The following PCDHGA3 variants were observed in gnomAD, a reference collection of about 807,000 sequenced individuals.
PCDHGA3 encodes protocadherin gamma-A3.
Under a neutral mutation model 58.5 loss-of-function variants are expected in PCDHGA3, and 40 were observed. The observed-to-expected ratio is 0.68, with a 90% confidence interval of 0.53 to 0.89. The LOEUF (loss-of-function observed/expected upper bound fraction) is 0.89, where lower values mean the gene tolerates loss of function less well. Ranked by LOEUF, PCDHGA3 falls within the 40% of genes least tolerant of loss-of-function variation. The pLI is 0.00. For missense variants in PCDHGA3, 1,223 were observed against 1,195.9 expected (o/e 1.02, Z -0.33); for synonymous variants, 530 against 525.7 (o/e 1.01, Z -0.11).
At chr5:141,467,208 A>G (rs1272958649) in intron 1 of PCDHGA3, among the ~76,000 whole-genome samples, 1 of 152,064 alleles carries the variant, frequency 6.6e-6, no homozygotes, top group East Asian at 1.9e-4. Flanking sequence ...ACATGCCACC[A>G]TGCCTGGCTA....
intron 1 of PCDHGA3, among the ~76,000 whole-genome samples, chr5:141,462,023 A>T (rs927945421): frequency 1.3e-5 from 2 of 152,112 alleles, no homozygotes; most frequent in African/African-American, 4.8e-5. Flanking sequence ...GGGTTTCTTC[A>T]TGTTGGTCAG....
chr5:141,392,758 A>G (rs1589161304), intron 1 of PCDHGA3: 2 of 1,472,462 alleles, frequency 1.4e-6, no homozygotes, highest in Non-Finnish European at 1.8e-6. Context: ...AAGAAACTAA[A>G]TAAGACCCAT....
chr5:141,428,115 G>A (rs753384738), intron 1 of PCDHGA3: 2 of 1,607,178 alleles, frequency 1.2e-6, no homozygotes, highest in Non-Finnish European at 8.5e-7. Flanking sequence ...GCAGGCCATC[G>A]AGCCCGGGCT....
intron 1 of PCDHGA3, chr5:141,475,902 C>A (rs1296545944): frequency 1.7e-6 from 1 of 576,594 alleles, no homozygotes; most frequent in Non-Finnish European, 3.0e-6. Context: ...GTGCCGCTGT[C>A]GGCCAATGAA....
chr5:141,374,244 T>C, intron 1 of PCDHGA3: 3 of 1,613,992 alleles, frequency 1.9e-6, no homozygotes, highest in Non-Finnish European at 2.5e-6. Context: ...GATCTGGGAC[T>C]GGAGCCCCAG....
In PCDHGA3 at chr5:141,501,176, T is replaced by C. The variant is rs917315609; in HGVS notation, c.2484-4217T>C. ...GCCACCATCCCCAGCCTCATTTACA[T>C]TTTAACACAATTAAATTCAGGGTGT... On this transcript the variant is annotated intron_variant, in intron 2 of 3. Coordinates refer to ENST00000253812, the MANE Select transcript of PCDHGA3 (RefSeq NM_018916.4). Among the ~76,000 whole-genome samples, 16 of 152,244 alleles carry C rather than the reference T, an allele frequency of 1.1e-4. No homozygotes were observed. In the South Asian group the frequency reaches 3.3e-3, roughly 32 times the overall value.
chr5:141,476,929 G>T lies in PCDHGA3; in HGVS notation c.2425-17878G>T, dbSNP rs1375082202. 6.2e-7 allele frequency: 1 copy of T among 1,614,136 alleles called. No homozygotes were observed. Among genetic ancestry groups the T allele is most frequent in the Admixed American group, 1.7e-5 (1 of 60,034 alleles). On this transcript the variant is annotated intron_variant, in intron 1 of 3. Transcript: ENST00000253812. This position sits in a 1 kb window ranked among gnomAD's most constrained non-coding sequence, Gnocchi z 7.6. ...TGGTACAAGTCCTTGCAACGGATCT[G>T]GATGAAGGCCCCAACGGTGAAATTA...
At chr5:141,389,828 A>C in intron 1 of PCDHGA3, 1 of 1,613,938 alleles carries the variant, frequency 6.2e-7, no homozygotes, top group Non-Finnish European at 8.5e-7. Flanking sequence ...GTGACGGTGG[A>C]CAGCCACCAC....
At chr5:141,413,331 C>T (rs1300057166) in intron 1 of PCDHGA3, 1 of 1,613,992 alleles carries the variant, frequency 6.2e-7, no homozygotes, top group Admixed American at 1.7e-5. Context: ...TGGGCAACAT[C>T]TCCAAGGACT....
intron 1 of PCDHGA3, among the ~76,000 whole-genome samples, chr5:141,434,881 A>C (rs1221252749): frequency 6.6e-6 from 1 of 151,958 alleles, no homozygotes; most frequent in Non-Finnish European, 1.5e-5. Context: ...AGATACCAAC[A>C]ACAATCCAGT....
intron 1 of PCDHGA3, among the ~76,000 whole-genome samples, chr5:141,467,288 A>G (rs1322298174): frequency 6.6e-6 from 1 of 152,084 alleles, no homozygotes; most frequent in Non-Finnish European, 1.5e-5. Context: ...CTTGACCTCA[A>G]GTGATCCACT....
chr5:141,392,615 C>A (rs2092564205), intron 1 of PCDHGA3: 1 of 536,798 alleles, frequency 1.9e-6, no homozygotes, highest in Non-Finnish European at 3.2e-6. Context: ...CAAATGCAAC[C>A]GAAAACACTC....
rs1426305491 is a variant in PCDHGA3 at position 141,489,758 on chromosome 5, G to A, written c.2425-5049G>A. 1 of 1,614,084 alleles carries A rather than the reference G, an allele frequency of 6.2e-7. No homozygotes were observed. The highest frequency in any genetic ancestry group is 1.7e-5 in the Admixed American group (1 of 60,020). On this transcript the variant is annotated intron_variant, in intron 1 of 3. Coordinates refer to ENST00000253812, the MANE Select transcript of PCDHGA3 (RefSeq NM_018916.4). The surrounding 1 kb of genome is among the most constrained non-coding windows in gnomAD (Gnocchi z 4.5). ...AATACTGTGAGCTTTTACACTCTAAGCCCCAACAGCCACTTCTCTCTGAAT... is the reference window on the plus strand; with the variant it reads ...AATACTGTGAGCTTTTACACTCTAAACCCCAACAGCCACTTCTCTCTGAAT...
chr5:141,389,837 A>C, intron 1 of PCDHGA3: 2 of 1,613,842 alleles, frequency 1.2e-6, no homozygotes, highest in South Asian at 2.2e-5. Context: ...GACAGCCACC[A>C]CTCTCGGCCA....
In PCDHGA3 at chr5:141,345,566, T is replaced by G; in HGVS notation, c.1533T>G (p.Thr511=). ...CCTTCGTCTCTATCAACTCCAACAC[T>G]GGCGTCCTATACGCGCTGAGATCCT... ...LSSFVSINSN[T]GVLYALRSFD... Residue 511 remains threonine, a synonymous_variant, in exon 1 of 4, where the codon ACT becomes ACG. Transcript: ENST00000253812. 6.2e-7 allele frequency: 1 copy of G among 1,614,182 alleles called. No individual in the cohort carries two copies. Among genetic ancestry groups the G allele is most frequent in the Non-Finnish European group, 8.5e-7 (1 of 1,180,030 alleles).
At chr5:141,384,819 G>C (rs1251597245) in intron 1 of PCDHGA3, 2 of 1,613,524 alleles carry the variant, frequency 1.2e-6, no homozygotes, top group African/African-American at 1.3e-5. Flanking sequence ...CCCTCAAGCA[G>C]AGCCTCGTGG....
At chr5:141,421,934 T>C (rs1478005202) in intron 1 of PCDHGA3, 1 of 1,613,548 alleles carries the variant, frequency 6.2e-7, no homozygotes, top group Admixed American at 1.7e-5. Context: ...GTCCTCGATG[T>C]AAATGATCAC....
intron 1 of PCDHGA3, among the ~76,000 whole-genome samples, chr5:141,402,580 TA>T (rs2094282125): frequency 6.6e-6 from 1 of 152,226 alleles, no homozygotes; most frequent in Admixed American, 6.5e-5. Context: ...CTCAGATATC[TA>T]AAAAATAGAT....
At chr5:141,482,957 C>A (rs2099575063) in intron 1 of PCDHGA3, among the ~76,000 whole-genome samples, 2 of 57,944 alleles carry the variant, frequency 3.5e-5, no homozygotes, top group Admixed American at 1.5e-4. Context: ...CCTGTAATTC[C>A]AGCTACTTGA....
Sources: allele counts gnomAD v4.1 joint callset (sites outside exome capture counted in the v4.1 genomes callset), GRCh38; gene constraint gnomAD v4.1.1; non-coding constraint Gnocchi (gnomAD v3.1); transcripts MANE v1.5; gene names NCBI Gene and HGNC (gene_info 2026-07-23, HGNC 2026-07-21).